Variants in MTSS2 observed in about 807,000 individuals in gnomAD.
MTSS2 encodes protein MTSS 2.
In MTSS2, 27 loss-of-function variants were observed where a neutral mutation model predicts 67.1. That is an observed-to-expected ratio of 0.40 (90% CI 0.30 to 0.55). MTSS2 has a LOEUF of 0.55. MTSS2 is among the 20% of genes least tolerant of loss of function. The pLI is 0.43. For missense variants in MTSS2, 1,171 were observed against 1,067.8 expected (o/e 1.10, Z -1.35); for synonymous variants, 624 against 468.6 (o/e 1.33, Z -4.28).
intron 11 of MTSS2, among the ~76,000 whole-genome samples, chr16:70,667,890 A>G (rs1383833644): frequency 6.6e-6 from 1 of 151,374 alleles, no homozygotes; most frequent in Non-Finnish European, 1.5e-5. Context: ...AAACCAAAAA[A>G]CCAAAAACCT....
chr16:70,665,195 T>C, intron 12 of MTSS2, 99 bp from the exon 13 acceptor site: 1 of 1,357,314 alleles, frequency 7.4e-7, no homozygotes, highest in African/African-American at 1.4e-5. Flanking sequence ...TCCAGGGCTA[T>C]CAGGGGGTCT....
intron 11 of MTSS2, among the ~76,000 whole-genome samples, chr16:70,667,018 G>C (rs757296646): frequency 5.3e-5 from 8 of 152,088 alleles, no homozygotes; most frequent in Non-Finnish European, 1.2e-4. Flanking sequence ...GCTCACACCT[G>C]TAATCCCAGC....
intron 7 of MTSS2, 153 bp from the exon 8 acceptor site, chr16:70,678,562 G>A (rs986912448): frequency 2.3e-6 from 2 of 856,138 alleles, no homozygotes; most frequent in Non-Finnish European, 3.5e-6. Context: ...GAGGACTCTG[G>A]GGCTTGTGGA....
intron 10 of MTSS2, 105 bp from the exon 11 acceptor site, chr16:70,674,633 A>G (rs564723620): frequency 6.2e-5 from 58 of 933,056 alleles, no homozygotes; most frequent in Non-Finnish European, 9.3e-5. Context: ...TGAGGGGCAA[A>G]GGAAGGAAAA....
rs1418471552 is a variant in MTSS2, at chr16:70,664,105, C to G, written c.1816G>C (p.Gly606Arg). The G allele has an allele frequency of 6.2e-7, 1 of 1,611,862 alleles. No individual in the cohort carries two copies. The highest frequency in any genetic ancestry group is 2.2e-5 in the East Asian group (1 of 44,830). The change falls in exon 15 of 15, where the codon GGG becomes CGG. Residue 606 changes from glycine (G) to arginine (R), a missense_variant. Around this residue, in one of 2 missense-constraint regions of MTSS2, gnomAD observed 924 missense variants for 756.0 expected, o/e 1.22. Coordinates refer to ENST00000338779, the MANE Select transcript of MTSS2 (RefSeq NM_138383.3). ...PTVPDSPGYM[G>R]PTRAGSEECV... ...TCCTCACTGCCCGCCCGTGTGGGCC[C>G]CATGTAGCCGGGGGAGTCAGGCACC...
chr16:70,664,397 C>T lies in MTSS2; in HGVS notation c.1524G>A (p.Pro508=), dbSNP rs143644229. The T allele has an allele frequency of 6.4e-5, 100 of 1,559,492 alleles. No homozygotes were observed. The highest frequency in any genetic ancestry group is 8.2e-5 in the African/African-American group (6 of 73,192). ...SVNGDADSEG[P]PEFDKSSTIP... ...TGGTGGATGACTTGTCAAACTCGGG[C>T]GGGCCCTCGCTGTCCGCATCCCCAT... The change falls in exon 15 of 15, where the codon CCG becomes CCA. Residue 508 remains proline (P), a synonymous_variant. Transcript: ENST00000338779.
intron 7 of MTSS2, 122 bp downstream of exon 7, chr16:70,679,193 C>G (rs952642105): frequency 7.6e-7 from 1 of 1,310,802 alleles, no homozygotes; most frequent in Non-Finnish European, 1.1e-6. Flanking sequence ...CCTCGTGGAC[C>G]GACCGCCTTC....
chr16:70,675,333 G>C (rs559139380), intron 10 of MTSS2, among the ~76,000 whole-genome samples: 194 of 152,060 alleles, frequency 1.3e-3, no homozygotes, highest in South Asian at 0.01. Context: ...TGAGGCAGGA[G>C]AATCGCTTGA....
chr16:70,673,822 G>C (rs1173615414), intron 11 of MTSS2, among the ~76,000 whole-genome samples: 2 of 152,030 alleles, frequency 1.3e-5, no homozygotes, highest in Non-Finnish European at 2.9e-5. Context: ...TCAGGAGGTG[G>C]GGTTGTGTTA....
chr16:70,663,404 G>T lies in MTSS2; in HGVS notation c.*273C>A, dbSNP rs2052565326. The T allele has an allele frequency of 6.0e-6, 3 of 504,190 alleles. No homozygotes were observed. Among genetic ancestry groups the T allele is most frequent in the Admixed American group, 3.9e-5 (1 of 25,344 alleles). The allele number at this position is 504,190 out of a possible 1,614,324, so 31.2% of individuals were successfully genotyped here. A position where few individuals can be genotyped will look rare whatever the true frequency, so the allele number is the denominator to read the frequency against. On this transcript the variant is annotated 3_prime_UTR_variant, in exon 15 of 15. Transcript: ENST00000338779. ...GGTGCTTATGGGTAGGGAAGAGGCAGGGCCCCAGAGGAGGAAGAGGAGGGA... is the reference window on the plus strand; with the variant it reads ...GGTGCTTATGGGTAGGGAAGAGGCATGGCCCCAGAGGAGGAAGAGGAGGGA...
chr16:70,677,661 G>T, intron 9 of MTSS2, 131 bp downstream of exon 9: 1 of 681,190 alleles, frequency 1.5e-6, no homozygotes, highest in Non-Finnish European at 2.5e-6. Context: ...GGTGTCAGAA[G>T]GGGTCTGGTC....
rs542292990 is a variant in MTSS2 at position 70,663,313 on chromosome 16, G to A, written c.*364C>T. On this transcript the variant is annotated 3_prime_UTR_variant, in exon 15 of 15. Transcript: ENST00000338779. ...GGAGCTGAGGCAGGACCAGCCCTGG[G>A]AGAGGCCGGGATGGTGAAAGGGAGG... 1.3e-4 allele frequency: 33 copies of A among 253,890 alleles called. 1 individual carries two copies. The highest frequency in any genetic ancestry group is 1.3e-3 in the Middle Eastern group (1 of 792). The allele number at this position is 253,890 out of a possible 1,614,324, so 15.7% of individuals were successfully genotyped here. A position where few individuals can be genotyped will look rare whatever the true frequency, so the allele number is the denominator to read the frequency against.
chr16:70,671,653 A>G (rs1449380805), intron 11 of MTSS2, among the ~76,000 whole-genome samples: 4 of 152,212 alleles, frequency 2.6e-5, no homozygotes, highest in African/African-American at 4.8e-5. Context: ...CAAAAGTACA[A>G]GGAGAAACAG....
chr16:70,670,969 CAAAAAAAAAAAAAA>C (rs1166088540), intron 11 of MTSS2, among the ~76,000 whole-genome samples: 13 of 32,950 alleles, frequency 3.9e-4, no homozygotes, highest in Non-Finnish European at 1.3e-4. Flanking sequence ...GACCCTGTCT[CAAAAAAAAAAAAAA>C]AAAAAAAAAA....
chr16:70,677,801 G>A lies in MTSS2; in HGVS notation c.723C>T (p.Ala241=), dbSNP rs2053168583. 2 of 1,609,362 alleles carry A rather than the reference G, an allele frequency of 1.2e-6. No homozygotes were observed. The highest frequency in any genetic ancestry group is 2.7e-5 in the African/African-American group (2 of 74,916). The change falls in exon 9 of 15, where the codon GCC becomes GCT. Residue 241 remains alanine (A), a synonymous_variant. Coordinates refer to ENST00000338779, the MANE Select transcript of MTSS2 (RefSeq NM_138383.3). ...LTAEPHKLPP[A]SEQVIKDLKG... is the part of the protein sequence containing the mutation. ...CAGAGGGCTCCCGCACCTGCTCGCT[G>A]GCGGGAGGCAGTTTGTGGGGTTCTG...
Position 70,685,812 on chromosome 16 carries a change from C to T in MTSS2, c.-21G>A. On this transcript the variant is annotated 5_prime_UTR_variant, in exon 1 of 15. Transcript: ENST00000338779. ...TCCATGCTCTGGCTGGGCCGGGCCG[C>T]GGCGGCGGCTAGGCGCACGGAGCGC... 8.0e-7 allele frequency: 1 copy of T among 1,254,372 alleles called. No homozygotes were observed. Among genetic ancestry groups the T allele is most frequent in the Non-Finnish European group, 1.0e-6 (1 of 979,346 alleles). The allele number at this position is 1,254,372 out of a possible 1,614,324, so 77.7% of individuals were successfully genotyped here.
intron 7 of MTSS2, 108 bp downstream of exon 7, chr16:70,679,207 G>T: frequency 7.0e-7 from 1 of 1,422,848 alleles, no homozygotes; most frequent in Non-Finnish European, 9.9e-7. Flanking sequence ...CGCCTTCCTC[G>T]CTTCTCCTTG....
chr16:70,670,166 G>A (rs578195263), intron 11 of MTSS2, among the ~76,000 whole-genome samples: 2 of 152,314 alleles, frequency 1.3e-5, no homozygotes, highest in East Asian at 3.9e-4. Flanking sequence ...AGCTACTCGG[G>A]AGTCTGAGGC....
rs1380666647 is a variant in MTSS2, at chr16:70,680,812, T to A, written c.187A>T (p.Met63Leu). Reference sequence around the variant, plus strand: ...TCCCCACCTCGGGTGTTGGTAGCCATGTCAGCCACTTTCTGGAAGGCATCC... The same window carrying A: ...TCCCCACCTCGGGTGTTGGTAGCCAAGTCAGCCACTTTCTGGAAGGCATCC... ...FLDAFQKVADMATNTRGATRD... is the reference protein window; with the variant it reads ...FLDAFQKVADLATNTRGATRD... The change falls in exon 3 of 15, where the codon ATG becomes TTG. Residue 63 changes from methionine (M) to leucine (L), a missense_variant. Coordinates refer to ENST00000338779, the MANE Select transcript of MTSS2 (RefSeq NM_138383.3). The A allele has an allele frequency of 6.4e-7, 1 of 1,552,792 alleles. No homozygotes were observed. The highest frequency in any genetic ancestry group is 1.4e-5 in the African/African-American group (1 of 72,864).
Sources: allele counts gnomAD v4.1 joint callset (sites outside exome capture counted in the v4.1 genomes callset), GRCh38; gene constraint gnomAD v4.1.1; regional missense constraint gnomAD v4.1.1; transcripts MANE v1.5; gene names NCBI Gene and HGNC (gene_info 2026-07-23, HGNC 2026-07-21).